JAK1: variants seen among roughly 807,000 people sequenced by gnomAD.
JAK1 encodes tyrosine-protein kinase JAK1.
JAK1 carries 16 observed loss-of-function variants against 136.6 expected under a neutral mutation model. The observed-to-expected ratio is 0.12, with a 90% CI of 0.08 to 0.18. The LOEUF (loss-of-function observed/expected upper bound fraction) is 0.18. Ranked by LOEUF, JAK1 falls within the 10% of genes least tolerant of loss-of-function variation. The pLI is 1.00. For synonymous variants in JAK1, 492 were observed against 519.5 expected, an observed-to-expected ratio of 0.95 and a Z score of 0.72; for missense variants, 859 against 1,450.1, an observed-to-expected ratio of 0.59 and a Z score of 6.62.
intron 10 of JAK1, 129 bp from the exon 11 acceptor site, chr1:64,855,827 A>C: frequency 1.5e-6 from 1 of 674,142 alleles, no homozygotes; most frequent in Non-Finnish European, 2.4e-6. Flanking sequence ...CTGTAAATCT[A>C]AAATTATTCA....
At chr1:64,978,714 C>T (rs1475187085) in intron 2 of JAK1, among the ~76,000 whole-genome samples, 1 of 152,150 alleles carries the variant, frequency 6.6e-6, no homozygotes, top group Non-Finnish European at 1.5e-5. Context: ...GCTTATTCTA[C>T]TCCTGGGATT....
chr1:64,858,412 C>A (rs1656081954), intron 9 of JAK1, among the ~76,000 whole-genome samples: 1 of 152,182 alleles, frequency 6.6e-6, no homozygotes, highest in South Asian at 2.1e-4. Context: ...TTTAGAGAGA[C>A]AGGGACATTG....
At chr1:64,842,933 G>A (rs1280093828) in intron 17 of JAK1, among the ~76,000 whole-genome samples, 1 of 151,950 alleles carries the variant, frequency 6.6e-6, no homozygotes, top group Non-Finnish European at 1.5e-5. Flanking sequence ...CTGGACTTCC[G>A]CTGCCATTTC....
At chr1:65,006,795 AT>A (rs1426251868) in intron 2 of JAK1, among the ~76,000 whole-genome samples, 2 of 152,196 alleles carry the variant, frequency 1.3e-5, no homozygotes, top group African/African-American at 4.8e-5. Context: ...AAAATATTTT[AT>A]CTTCATAATA....
intron 1 of JAK1, among the ~76,000 whole-genome samples, chr1:64,929,953 T>C (rs1014980711): frequency 1.3e-5 from 2 of 152,220 alleles, no homozygotes; most frequent in Non-Finnish European, 2.9e-5. Flanking sequence ...ATTTAATAAA[T>C]GGTGTTGGGA....
rs1235720825 is a variant in JAK1 at position 64,834,075 on chromosome 1, G to C, written c.*487C>G. The stretch of plus-strand genomic sequence containing the variant: ...GTATCTAATATTTTAAGAATGCATG[G>C]TCTAGTACTGTATAGATACTGAAAT... On this transcript the variant is annotated 3_prime_UTR_variant, in exon 25 of 25. Coordinates refer to ENST00000342505, the MANE Select transcript of JAK1 (RefSeq NM_002227.4). 1 of 238,794 alleles carries C rather than the reference G, an allele frequency of 4.2e-6. No homozygotes were observed. The highest frequency in any genetic ancestry group is 2.2e-5 in the African/African-American group (1 of 45,344). 14.8% of individuals were successfully genotyped at this position (238,794 alleles called of 1,614,324 possible).
At chr1:65,026,042 T>C (rs543699843) in intron 2 of JAK1, among the ~76,000 whole-genome samples, 12 of 152,144 alleles carry the variant, frequency 7.9e-5, no homozygotes, top group Non-Finnish European at 1.3e-4. Flanking sequence ...GCATCATAGG[T>C]TGGTTCTAGA....
intron 2 of JAK1, chr1:64,986,063 C>G: frequency 8.3e-7 from 1 of 1,211,938 alleles, no homozygotes. Flanking sequence ...TGGCGAAGAT[C>G]AGAGATGGGG....
chr1:65,016,862 C>T (rs537057701), intron 2 of JAK1, among the ~76,000 whole-genome samples: 1 of 152,188 alleles, frequency 6.6e-6, no homozygotes, highest in African/African-American at 2.4e-5. Context: ...CGCGCCACTG[C>T]CCTCCAGCCT....
Position 64,857,665 on chromosome 1 carries a change from C to G in JAK1, c.1449G>C (p.Glu483Asp). 1 of 1,614,160 alleles carries G rather than the reference C, an allele frequency of 6.2e-7. No individual in the cohort carries two copies. The highest frequency in any genetic ancestry group is 8.5e-7 in the Non-Finnish European group (1 of 1,180,026). The change falls in exon 10 of 25, where the codon GAG becomes GAC. Residue 483 changes from glutamate to aspartate, a missense_variant. Glu to Asp is a conservative substitution (Grantham distance 45, BLOSUM62 2). Coordinates refer to ENST00000342505, the MANE Select transcript of JAK1 (RefSeq NM_002227.4). ...DNILMTVTCF[E>D]KSEQVQGAQK... is the part of the protein sequence containing the mutation. ...CAGTGTCCTGACTGACCTCAGACTTCTCAAAGCAGGTGACGGTCATGAGGA... is the reference window on the plus strand; with the variant it reads ...CAGTGTCCTGACTGACCTCAGACTTGTCAAAGCAGGTGACGGTCATGAGGA...
intron 2 of JAK1, among the ~76,000 whole-genome samples, chr1:65,023,635 C>G (rs1013055581): frequency 6.6e-6 from 1 of 152,112 alleles, no homozygotes; most frequent in Non-Finnish European, 1.5e-5. Context: ...AGGTGCCCAC[C>G]ACCACACCAG....
chr1:64,919,787 G>A (rs1645463753), intron 1 of JAK1, among the ~76,000 whole-genome samples: 1 of 152,062 alleles, frequency 6.6e-6, no homozygotes, highest in Admixed American at 6.6e-5. Flanking sequence ...ACAAAAGCAT[G>A]ACTTTTCCTA....
Position 64,979,136 on chromosome 1 carries a change from C to T in JAK1, c.-78+65344G>A, listed in dbSNP as rs549156391. Among the ~76,000 whole-genome samples the T allele has an allele frequency of 1.2e-4, 19 of 152,266 alleles. No individual in the cohort carries two copies. The East Asian group carries it at 3.7e-3, about 29-fold the overall frequency. On this transcript the variant is annotated intron_variant, in intron 2 of 25. Coordinates refer to the JAK1 transcript ENST00000671954. ...ACTGGCCAGGCACAGTGGCTCCTGC[C>T]GGTAATCCCAGCACTTTGGGAGGCC...
intron 1 of JAK1, among the ~76,000 whole-genome samples, chr1:64,932,798 T>A (rs772467271): frequency 9.2e-5 from 14 of 152,112 alleles, no homozygotes; most frequent in Middle Eastern, 3.2e-3. Context: ...AGCTGGCACC[T>A]GCCTCTGCCT....
At chr1:64,912,647 G>A (rs1645303608) in intron 1 of JAK1, among the ~76,000 whole-genome samples, 1 of 152,166 alleles carries the variant, frequency 6.6e-6, no homozygotes, top group South Asian at 2.1e-4. Flanking sequence ...TGTAAAGCAG[G>A]ACTACTCTCA....
chr1:64,839,718 A>G lies in JAK1; in HGVS notation c.2727T>C (p.Ser909=), dbSNP rs760085802. The change falls in exon 20 of 25, where the codon TCT becomes TCC. Residue 909 remains serine, a synonymous_variant. Transcript: ENST00000342505. ...DNTGEQVAVK[S]LKPESGGNHI... ...GGTTACCTCCACTCTCAGGCTTCAG[A>G]GATTTAACAGCCACCTGCTCCCCTG... 1.9e-6 allele frequency: 3 copies of G among 1,614,114 alleles called. No individual in the cohort carries two copies. Among genetic ancestry groups the G allele is most frequent in the Non-Finnish European group, 2.5e-6 (3 of 1,180,032 alleles).
intron 12 of JAK1, among the ~76,000 whole-genome samples, chr1:64,848,288 C>T (rs1655369935): frequency 6.6e-6 from 1 of 152,208 alleles, no homozygotes; most frequent in Admixed American, 6.5e-5. Flanking sequence ...CTGGTGGATC[C>T]ATGTGTTATC....
chr1:64,834,552 T>C lies in JAK1; in HGVS notation c.*10A>G. 1.3e-6 allele frequency: 2 copies of C among 1,541,260 alleles called. No homozygotes were observed. The highest frequency in any genetic ancestry group is 1.8e-6 in the Non-Finnish European group (2 of 1,115,508). ...GATAATCTGTGGAATTTAAATGTTATTCATGCTTCTTATTTTAAAAGTGCT... is the reference window on the plus strand; with the variant it reads ...GATAATCTGTGGAATTTAAATGTTACTCATGCTTCTTATTTTAAAAGTGCT... On this transcript the variant is annotated 3_prime_UTR_variant, in exon 25 of 25. Coordinates refer to ENST00000342505, the MANE Select transcript of JAK1 (RefSeq NM_002227.4).
chr1:64,850,777 G>T (rs764986353), intron 12 of JAK1, 27 bp downstream of exon 12: 2 of 1,509,854 alleles, frequency 1.3e-6, no homozygotes, highest in East Asian at 2.3e-5. Context: ...GACCACAGCT[G>T]GCCCACACCC....
Sources: gnomAD v4.1 joint callset for allele counts (sites outside exome capture counted in the v4.1 genomes callset) on GRCh38, gnomAD v4.1.1 for gene constraint, MANE v1.5 for transcripts, NCBI Gene and HGNC (gene_info 2026-07-23, HGNC 2026-07-21) for gene names.